RNF40: variants seen among roughly 807,000 people sequenced by gnomAD.
RNF40 encodes the protein ring finger protein 40.
RNF40 carries 39 observed loss-of-function variants against 123.3 expected under a neutral mutation model. The observed-to-expected ratio is 0.32, with a 90% CI of 0.24 to 0.41. The LOEUF (loss-of-function observed/expected upper bound fraction) is 0.41. Among genes scored for constraint, RNF40 ranks in the 10% least tolerant of loss-of-function variants. The pLI is 1.00. For missense variants in RNF40, 1,003 were observed against 1,319.9 expected (o/e 0.76, Z 3.72); for synonymous variants, 538 against 526.0 (o/e 1.02, Z -0.31).
chr16:30,766,551 A>T lies in RNF40; in HGVS notation c.1286A>T (p.His429Leu), dbSNP rs1168232455. Residue 429 changes from histidine to leucine, a missense_variant, in exon 10 of 20, where the codon CAC (histidine) becomes CTC (leucine). By Grantham distance (99) the His-to-Leu change is moderately conservative. Around this residue, in one of 11 missense-constraint regions of RNF40, gnomAD observed 274 missense variants for 356.9 expected, o/e 0.77. Coordinates refer to ENST00000324685, the MANE Select transcript of RNF40 (RefSeq NM_014771.4). The surrounding 1 kb of genome is among the most constrained non-coding windows in gnomAD (Gnocchi z 5.4). ...AACTCCCACCTGCGACACATCGAGC[A>T]CATGGAGGTATGGCCCTGGAACAGG... ...TKNSHLRHIE[H>L]MESDELGLQK... The T allele has an allele frequency of 2.5e-6, 4 of 1,609,020 alleles. No homozygotes were observed. Among genetic ancestry groups the T allele is most frequent in the Non-Finnish European group, 3.4e-6 (4 of 1,177,120 alleles).
At position 30,766,517 on chromosome 16, in the gene RNF40, G is replaced by A. The variant is rs377042428; in HGVS notation, c.1252G>A (p.Ala418Thr). The A allele has an allele frequency of 4.6e-5, 75 of 1,612,906 alleles. No homozygotes were observed. Among genetic ancestry groups the A allele is most frequent in the Non-Finnish European group, 1.4e-5 (17 of 1,179,702 alleles). Residue 418 changes from alanine (A) to threonine (T), a missense_variant, in exon 10 of 20, where the codon GCC becomes ACC. By Grantham distance (58) the Ala-to-Thr change is moderately conservative. Coordinates refer to ENST00000324685, the MANE Select transcript of RNF40 (RefSeq NM_014771.4). This position sits in a 1 kb window ranked among gnomAD's most constrained non-coding sequence, Gnocchi z 5.4. ...AGACGAGGCTCGGGGCCTGCTGCTGGCCACAAAGAACTCCCACCTGCGACA... is the reference window on the plus strand; with the variant it reads ...AGACGAGGCTCGGGGCCTGCTGCTGACCACAAAGAACTCCCACCTGCGACA... ...QLDEARGLLL[A>T]TKNSHLRHIE...
chr16:30,774,217 C>T lies in RNF40; in HGVS notation c.*103C>T. ...TGGCCCCACCCTCCATTCCGGACCC[C>T]ATGGGCCCAGCCCCTGCCCATCTAG... On this transcript the variant is annotated 3_prime_UTR_variant, in exon 20 of 20. Transcript: ENST00000324685. The T allele has an allele frequency of 1.6e-6, 2 of 1,262,324 alleles. No homozygotes were observed. The highest frequency in any genetic ancestry group is 3.0e-5 in the South Asian group (2 of 66,120). 78.2% of individuals were successfully genotyped at this position (1,262,324 alleles called of 1,614,324 possible). A position where few individuals can be genotyped will look rare whatever the true frequency, so the allele number is the denominator to read the frequency against.
At position 30,766,574 on chromosome 16, in the gene RNF40, A is replaced by G. The variant is rs1430988612; in HGVS notation, c.1293+16A>G. On this transcript the variant is annotated intron_variant, in intron 10 of 19. Transcript: ENST00000324685. The surrounding 1 kb of genome is among the most constrained non-coding windows in gnomAD (Gnocchi z 5.4). Reference sequence around the variant, plus strand: ...GCACATGGAGGTATGGCCCTGGAACAGGCGTTAGGGCTGGGCTAAGGGCCA... The same window carrying G: ...GCACATGGAGGTATGGCCCTGGAACGGGCGTTAGGGCTGGGCTAAGGGCCA... 1.2e-6 allele frequency: 2 copies of G among 1,600,086 alleles called. No individual in the cohort carries two copies. Among genetic ancestry groups the G allele is most frequent in the Admixed American group, 3.4e-5 (2 of 59,280 alleles).
chr16:30,768,519 A>C lies in RNF40; in HGVS notation c.1968A>C (p.Arg656=). 1 of 1,610,906 alleles carries C rather than the reference A, an allele frequency of 6.2e-7. No homozygotes were observed. The highest frequency in any genetic ancestry group is 8.5e-7 in the Non-Finnish European group (1 of 1,177,782). ...AATCAGAACTCCTCAAGGGTCTCCG[A>C]GCAGAGCTCAAGTGAGGCTCTGTTC... The part of the protein sequence containing the change: ...RKESELLKGL[R]AELKKAQESQ... The change falls in exon 13 of 20, where the codon CGA becomes CGC. Residue 656 remains arginine, a synonymous_variant. Transcript: ENST00000324685. This position sits in a 1 kb window ranked among gnomAD's most constrained non-coding sequence, Gnocchi z 4.1.
Position 30,767,828 on chromosome 16 carries a change from A to T in RNF40, c.1430-66A>T, listed in dbSNP as rs1000479164. The T allele has an allele frequency of 2.5e-6, 4 of 1,607,548 alleles. No homozygotes were observed. In the Admixed American group the frequency reaches 5.0e-5, roughly 20 times the overall value. On this transcript the variant is annotated intron_variant, in intron 11 of 19. Coordinates refer to ENST00000324685, the MANE Select transcript of RNF40 (RefSeq NM_014771.4). ...GAGTGATGGCATAGCCTCTTACCCCACTGAGGGGTTGGAGTCCTAACCCAG... is the reference window on the plus strand; with the variant it reads ...GAGTGATGGCATAGCCTCTTACCCCTCTGAGGGGTTGGAGTCCTAACCCAG...
chr16:30,774,078 T>C lies in RNF40; in HGVS notation c.2970T>C (p.Phe990=). The C allele has an allele frequency of 1.9e-6, 3 of 1,613,972 alleles. No homozygotes were observed. Among genetic ancestry groups the C allele is most frequent in the South Asian group, 2.2e-5 (2 of 91,084 alleles). The change falls in exon 20 of 20, where the codon TTT becomes TTC. Residue 990 remains phenylalanine, a synonymous_variant. Coordinates refer to ENST00000324685, the MANE Select transcript of RNF40 (RefSeq NM_014771.4). The part of the protein sequence containing the change: ...QRKCPKCNAA[F]GAHDFHRIYI... The stretch of plus-strand genomic sequence containing the variant: ...AGTGCCCCAAGTGCAACGCGGCCTT[T>C]GGTGCCCACGACTTCCATCGTATCT...
chr16:30,766,119 C>T lies in RNF40; in HGVS notation c.994-44C>T. ...TGGGGATGTAAGGGAGGCCTGCTGC[C>T]ACGTCTGGCCCTGCCTCCCATGGCC... On this transcript the variant is annotated intron_variant, in intron 8 of 19. Transcript: ENST00000324685. This position sits in a 1 kb window ranked among gnomAD's most constrained non-coding sequence, Gnocchi z 5.4. The T allele has an allele frequency of 6.2e-7, 1 of 1,612,228 alleles. No homozygotes were observed. The highest frequency in any genetic ancestry group is 8.5e-7 in the Non-Finnish European group (1 of 1,179,308).
Position 30,774,294 on chromosome 16 carries a change from CG to C in RNF40, c.*181del. On this transcript the variant is annotated 3_prime_UTR_variant, in exon 20 of 20. Coordinates refer to ENST00000324685, the MANE Select transcript of RNF40 (RefSeq NM_014771.4). ...AGTGGGCATGGGATCAGCCAAGCTT[CG>C]TTCCATCTTTTCCTAAAGGTCAGAG... is the stretch of plus-strand genomic sequence containing the variant. 1.6e-6 allele frequency: 1 copy of C among 615,246 alleles called. No individual in the cohort carries two copies. The highest frequency in any genetic ancestry group is 2.8e-6 in the Non-Finnish European group (1 of 362,644). The allele number at this position is 615,246 out of a possible 1,614,324, so 38.1% of individuals were successfully genotyped here.
At position 30,764,240 on chromosome 16, in the gene RNF40, AC is replaced by A; in HGVS notation, c.505del (p.Leu169TrpfsTer28). ...SEPALAFVVA[L>X]GASSSEEVEL... ...AGCCGGCCTTGGCTTTTGTGGTGGC[AC>A]TGGGTGCCAGCAGCAGTGAGGAGGT... On this transcript the variant is annotated frameshift_variant, in exon 5 of 20. Transcript: ENST00000324685. LOFTEE classifies it high-confidence loss of function. The A allele has an allele frequency of 6.2e-7, 1 of 1,612,580 alleles. No homozygotes were observed. The highest frequency in any genetic ancestry group is 8.5e-7 in the Non-Finnish European group (1 of 1,179,388).
rs2054007239 is a variant in RNF40 at position 30,765,284 on chromosome 16, G to A, written c.875G>A (p.Arg292Gln). ...LQWDIEKLRK[R>Q]EQKLNKHLAE... The stretch of plus-strand genomic sequence containing the variant: ...TGGGACATCGAGAAGCTGCGGAAGC[G>A]AGAGCAAAAGCTCAATAAGCACCTG... The change falls in exon 7 of 20, where the codon CGA (arginine) becomes CAA (glutamine). Residue 292 changes from arginine (R) to glutamine (Q), a missense_variant. Arg to Gln is a conservative substitution (Grantham distance 43). Transcript: ENST00000324685. 3.1e-6 allele frequency: 5 copies of A among 1,614,112 alleles called. No homozygotes were observed. Among genetic ancestry groups the A allele is most frequent in the African/African-American group, 1.3e-5 (1 of 74,934 alleles).
chr16:30,772,219 TC>T, intron 19 of RNF40, 29 bp downstream of exon 19: 3 of 1,510,800 alleles, frequency 2.0e-6, no homozygotes, highest in Non-Finnish European at 1.8e-6. Flanking sequence ...TTGTGCCCTA[TC>T]CACCTGAGAA....
rs978339837 is a variant in RNF40 at position 30,774,885 on chromosome 16, C to G, written c.*771C>G. 2.2e-6 allele frequency: 1 copy of G among 451,812 alleles called. No homozygotes were observed. Among genetic ancestry groups the G allele is most frequent in the Middle Eastern group, 3.3e-4 (1 of 3,036 alleles). The allele number at this position is 451,812 out of a possible 1,614,324, so 28.0% of individuals were successfully genotyped here. A position where few individuals can be genotyped will look rare whatever the true frequency, so the allele number is the denominator to read the frequency against. ...TACTGGGTCCCTGGACCTAACCCTG[C>G]TTTCATCCTGGTGGCCTTAACTACA... On this transcript the variant is annotated 3_prime_UTR_variant, in exon 20 of 20. Transcript: ENST00000324685.
chr16:30,763,777 C>T (rs947769638), intron 4 of RNF40, among the ~76,000 whole-genome samples: 6 of 152,220 alleles, frequency 3.9e-5, no homozygotes, highest in Admixed American at 3.9e-4. Context: ...CCATTTGTTT[C>T]AAAACAGTAT....
Position 30,764,072 on chromosome 16 carries a change from T to C in RNF40, c.443-107T>C, listed in dbSNP as rs558403463. ...GGAGATAATAGTGCACTATAGGTTGTGTTGATTAAGTGAACCATGAGTATT... is the reference window on the plus strand; with the variant it reads ...GGAGATAATAGTGCACTATAGGTTGCGTTGATTAAGTGAACCATGAGTATT... On this transcript the variant is annotated intron_variant, in intron 4 of 19. Transcript: ENST00000324685. 253 of 816,486 alleles carry C rather than the reference T, an allele frequency of 3.1e-4. 3 individuals carry two copies. Among genetic ancestry groups the C allele is most frequent in the Middle Eastern group, 2.6e-3 (8 of 3,118 alleles). 50.6% of individuals were successfully genotyped at this position (816,486 alleles called of 1,614,324 possible).
intron 4 of RNF40, among the ~76,000 whole-genome samples, 200 bp from the exon 5 acceptor site, chr16:30,763,979 T>C (rs535504251): frequency 5.8e-4 from 89 of 152,334 alleles, no homozygotes; most frequent in Non-Finnish European, 1.1e-3. Context: ...GAGGATGTGA[T>C]ACGCAACTCT....
chr16:30,774,890 A>T lies in RNF40; in HGVS notation c.*776A>T, dbSNP rs1374613602. The T allele has an allele frequency of 3.1e-5, 14 of 453,258 alleles. No individual in the cohort carries two copies. Among genetic ancestry groups the T allele is most frequent in the Non-Finnish European group, 5.8e-5 (13 of 224,976 alleles). 28.1% of individuals were successfully genotyped at this position (453,258 alleles called of 1,614,324 possible). On this transcript the variant is annotated 3_prime_UTR_variant, in exon 20 of 20. Coordinates refer to ENST00000324685, the MANE Select transcript of RNF40 (RefSeq NM_014771.4). ...GGTCCCTGGACCTAACCCTGCTTTC[A>T]TCCTGGTGGCCTTAACTACAGTGGA...
At chr16:30,773,914 A>G in intron 19 of RNF40, 24 bp from the exon 20 acceptor site, 3 of 1,598,810 alleles carry the variant, frequency 1.9e-6, no homozygotes, top group Non-Finnish European at 2.6e-6. Flanking sequence ...GTTGTTCCCA[A>G]GCTGATGCCT....
chr16:30,772,844 A>C (rs2054171390), intron 19 of RNF40, among the ~76,000 whole-genome samples: 1 of 152,188 alleles, frequency 6.6e-6, no homozygotes, highest in South Asian at 2.1e-4. Flanking sequence ...GACTGGAGGC[A>C]GGGAAATTGT....
At position 30,768,020 on chromosome 16, in the gene RNF40, G is replaced by A. The variant is rs771861066; in HGVS notation, c.1551+5G>A. On this transcript the variant is annotated splice_donor_5th_base_variant and intron_variant, in intron 12 of 19. Transcript: ENST00000324685. The surrounding 1 kb of genome is among the most constrained non-coding windows in gnomAD (Gnocchi z 4.1). ...GTACAAGCTGAGATTGGCAAGGTGAGAAGGGGCCTGCCTGGGAAAAGGTTT... is the reference window on the plus strand; with the variant it reads ...GTACAAGCTGAGATTGGCAAGGTGAAAAGGGGCCTGCCTGGGAAAAGGTTT... 3 of 1,614,248 alleles carry A rather than the reference G, an allele frequency of 1.9e-6. No individual in the cohort carries two copies. Among genetic ancestry groups the A allele is most frequent in the Non-Finnish European group, 1.7e-6 (2 of 1,180,044 alleles).
Sources: gnomAD v4.1 joint callset for allele counts (sites outside exome capture counted in the v4.1 genomes callset) on GRCh38, gnomAD v4.1.1 for gene constraint, gnomAD v4.1.1 regional missense constraint, Gnocchi (gnomAD v3.1) non-coding constraint, MANE v1.5 for transcripts, NCBI Gene and HGNC (gene_info 2026-07-23, HGNC 2026-07-21) for gene names.